Variants in TMEM117 observed in about 807,000 individuals in gnomAD.
TMEM117 encodes the protein transmembrane protein 117.
In TMEM117, 27 loss-of-function variants were observed where a neutral mutation model predicts 52.4. That is an observed-to-expected ratio of 0.51 (90% CI 0.38 to 0.71). TMEM117 has a LOEUF of 0.71. TMEM117 is among the 30% of genes least tolerant of loss of function. TMEM117 has a pLI of 0.00. For missense variants in TMEM117, 556 were observed against 630.5 expected, an observed-to-expected ratio of 0.88 and a Z score of 1.26; for synonymous variants, 215 against 206.3, an observed-to-expected ratio of 1.04 and a Z score of -0.36.
At chr12:44,353,437 A>T (rs1951596616) in intron 6 of TMEM117, among the ~76,000 whole-genome samples, 1 of 152,044 alleles carries the variant, frequency 6.6e-6, no homozygotes, top group South Asian at 2.1e-4. Context: ...TAGGTCTAAC[A>T]TGTAAGTCTT....
At chr12:44,348,007 A>G (rs554736834) in intron 6 of TMEM117, among the ~76,000 whole-genome samples, 1 of 152,142 alleles carries the variant, frequency 6.6e-6, no homozygotes, top group South Asian at 2.1e-4. Flanking sequence ...AATAGTGACC[A>G]ATGGAGTAAT....
the TMEM117 span, chr12:43,797,484 A>AACC: frequency 1.3e-6 from 2 of 1,514,044 alleles, no homozygotes; most frequent in African/African-American, 2.8e-5. Flanking sequence ...TGTTCATTAA[A>AACC]ACCAGATATA....
At chr12:43,965,265 A>G (rs1016580956) in intron 3 of TMEM117, among the ~76,000 whole-genome samples, 1 of 152,242 alleles carries the variant, frequency 6.6e-6, no homozygotes, top group African/African-American at 2.4e-5. Context: ...AAAAGAATTA[A>G]GTTGAGCCTT....
chr12:43,930,609 C>T (rs1232474166), intron 2 of TMEM117, among the ~76,000 whole-genome samples: 1 of 152,166 alleles, frequency 6.6e-6, no homozygotes, highest in Non-Finnish European at 1.5e-5. Context: ...TTGATGCCTT[C>T]AAACAGTGGC....
chr12:44,258,208 A>G (rs944077446), intron 5 of TMEM117, among the ~76,000 whole-genome samples: 1 of 152,114 alleles, frequency 6.6e-6, no homozygotes, highest in Non-Finnish European at 1.5e-5. Flanking sequence ...TAGATAGTAC[A>G]AACCCCTCCA....
chr12:44,005,140 A>T (rs1324483691), intron 3 of TMEM117, among the ~76,000 whole-genome samples: 1 of 152,222 alleles, frequency 6.6e-6, no homozygotes, highest in East Asian at 1.9e-4. Flanking sequence ...GGTAGGAATT[A>T]TTATGCTCAT....
intron 2 of TMEM117, among the ~76,000 whole-genome samples, chr12:43,863,473 C>G (rs568559947): frequency 6.6e-6 from 1 of 152,212 alleles, no homozygotes; most frequent in African/African-American, 2.4e-5. Context: ...CAGACTATTA[C>G]GCATGGGGCA....
At chr12:44,268,607 T>C (rs765808156) in intron 5 of TMEM117, among the ~76,000 whole-genome samples, 5 of 152,138 alleles carry the variant, frequency 3.3e-5, no homozygotes, top group Non-Finnish European at 5.9e-5. Flanking sequence ...ATTATAAATA[T>C]ATTTGTTACA....
At chr12:43,798,241 T>G in the TMEM117 span, among the ~76,000 whole-genome samples, 1 of 152,150 alleles carries the variant, frequency 6.6e-6, no homozygotes, top group Non-Finnish European at 1.5e-5. Flanking sequence ...ACAAACATCA[T>G]GCACTGAATT....
At chr12:44,044,714 C>A (rs1565805335) in intron 3 of TMEM117, among the ~76,000 whole-genome samples, 1 of 151,746 alleles carries the variant, frequency 6.6e-6, no homozygotes, top group Non-Finnish European at 1.5e-5. Flanking sequence ...ACACAGGCAC[C>A]AACTGAAAGT....
At chr12:43,928,795 C>T (rs1287238868) in intron 2 of TMEM117, among the ~76,000 whole-genome samples, 2 of 144,590 alleles carry the variant, frequency 1.4e-5, no homozygotes, top group African/African-American at 5.1e-5. Context: ...CTTCCTGTGT[C>T]CATGTGTTCT....
chr12:43,905,669 G>T (rs1198490299), intron 2 of TMEM117, among the ~76,000 whole-genome samples: 2 of 152,142 alleles, frequency 1.3e-5, no homozygotes, highest in African/African-American at 4.8e-5. Flanking sequence ...AGACTTATTT[G>T]CTCATTTAAC....
intron 1 of TMEM117, among the ~76,000 whole-genome samples, chr12:43,841,245 T>C (rs1245614317): frequency 3.3e-5 from 5 of 152,204 alleles, no homozygotes; most frequent in Admixed American, 3.3e-4. Flanking sequence ...GTAAGCATGA[T>C]GGGAAATATC....
intron 3 of TMEM117, among the ~76,000 whole-genome samples, chr12:44,047,133 GTA>G (rs138223424): frequency 6.6e-6 from 1 of 151,666 alleles, no homozygotes; most frequent in African/African-American, 2.4e-5. Flanking sequence ...GTGTGTGTGT[GTA>G]TATATATATA....
chr12:44,390,517 G>A (rs529628839), downstream of TMEM117, among the ~76,000 whole-genome samples: 25 of 151,728 alleles, frequency 1.6e-4, no homozygotes, highest in South Asian at 3.8e-3. Context: ...TTTTTACATG[G>A]GTATTAATGG....
chr12:43,955,064 G>T (rs535841551), intron 3 of TMEM117, among the ~76,000 whole-genome samples: 123 of 152,206 alleles, frequency 8.1e-4, no homozygotes, highest in African/African-American at 2.6e-3. Flanking sequence ...CACAGAAAAG[G>T]CTTTTGATAA....
At chr12:43,917,234 A>C (rs1200487133) in intron 2 of TMEM117, among the ~76,000 whole-genome samples, 1 of 2,146 alleles carries the variant, frequency 4.7e-4, no homozygotes, top group South Asian at 0.083. Context: ...TCTCTACAAA[A>C]AAAAAAAAAA....
chr12:43,912,702 A>T (rs1944533881), intron 2 of TMEM117, among the ~76,000 whole-genome samples: 1 of 151,882 alleles, frequency 6.6e-6, no homozygotes, highest in East Asian at 1.9e-4. Flanking sequence ...GGTTAATATT[A>T]TCCTTAAAGT....
chr12:43,834,259 G>C (rs185417274), upstream of TMEM117, among the ~76,000 whole-genome samples: 213 of 152,256 alleles, frequency 1.4e-3, no homozygotes, highest in Non-Finnish European at 2.2e-3. Context: ...TTACCCACGT[G>C]TAACAGTTTA....
Sources: allele counts gnomAD v4.1 joint callset (sites outside exome capture counted in the v4.1 genomes callset), GRCh38; gene constraint gnomAD v4.1.1; transcripts MANE v1.5; gene names NCBI Gene and HGNC (gene_info 2026-07-23, HGNC 2026-07-21).